Variants in RPTOR observed in about 807,000 individuals in gnomAD.
RPTOR encodes regulatory-associated protein of mTOR.
RPTOR carries 21 observed loss-of-function variants against 169.9 expected under a neutral mutation model. That is an observed-to-expected ratio of 0.12 (90% confidence interval 0.09 to 0.18). RPTOR has a LOEUF of 0.18. RPTOR is among the 10% of genes least tolerant of loss of function. The probability of loss-of-function intolerance (pLI) is 1.00; values close to 1 mark genes in which losing one functional copy is unlikely to be tolerated. For missense variants in RPTOR, 1,133 were observed against 1,855.9 expected, an observed-to-expected ratio of 0.61 and a Z score of 7.16; for synonymous variants, 732 against 753.2, an observed-to-expected ratio of 0.97 and a Z score of 0.46.
At chr17:80,638,733 T>C (rs2065528908) in intron 2 of RPTOR, among the ~76,000 whole-genome samples, 1 of 152,222 alleles carries the variant, frequency 6.6e-6, no homozygotes, top group Admixed American at 6.5e-5. Context: ...CTCTCCTGTA[T>C]CTACTTTCCA....
chr17:80,830,554 A>G (rs1469121927), intron 9 of RPTOR, among the ~76,000 whole-genome samples: 1 of 152,110 alleles, frequency 6.6e-6, no homozygotes, highest in Admixed American at 6.5e-5. Flanking sequence ...GCTGCGCCCC[A>G]CGGTGCCCCC....
At chr17:80,891,269 C>T (rs147739371) in intron 17 of RPTOR, among the ~76,000 whole-genome samples, 22 of 152,386 alleles carry the variant, frequency 1.4e-4, no homozygotes, top group African/African-American at 3.4e-4. Flanking sequence ...GAGCAGGCTT[C>T]GGCTTGTCCG....
chr17:80,637,642 C>G (rs1172966777), intron 2 of RPTOR, among the ~76,000 whole-genome samples: 1 of 152,182 alleles, frequency 6.6e-6, no homozygotes. Flanking sequence ...CAGCAGAGTG[C>G]GGATGAGCTG....
At chr17:80,600,728 C>T (rs1180173168) in intron 1 of RPTOR, among the ~76,000 whole-genome samples, 4 of 152,162 alleles carry the variant, frequency 2.6e-5, no homozygotes, top group East Asian at 1.9e-4. Flanking sequence ...TAGCAGTAAT[C>T]GGACAGGCCT....
intron 7 of RPTOR, among the ~76,000 whole-genome samples, chr17:80,816,748 T>G (rs1260360272): frequency 1.3e-5 from 2 of 152,132 alleles, no homozygotes; most frequent in African/African-American, 4.8e-5. Context: ...AAACCAGCTT[T>G]CGCATGGCAG....
At chr17:80,846,202 T>C (rs2143712551) in intron 10 of RPTOR, among the ~76,000 whole-genome samples, 1 of 152,200 alleles carries the variant, frequency 6.6e-6, no homozygotes, top group East Asian at 1.9e-4. Flanking sequence ...ACGCTCCTCT[T>C]GCGGCCCCAG....
chr17:80,631,236 AGG>A (rs1397844895), intron 2 of RPTOR, among the ~76,000 whole-genome samples: 4 of 151,922 alleles, frequency 2.6e-5, no homozygotes, highest in African/African-American at 9.7e-5. Context: ...TTGTGGACTG[AGG>A]GTCTCCTGCT....
At chr17:80,696,067 T>A (rs62067879) in intron 3 of RPTOR, among the ~76,000 whole-genome samples, 35,012 of 152,158 alleles carry the variant, frequency 0.23, 4,115 homozygotes, top group East Asian at 0.33. Flanking sequence ...TGTGAGTCCC[T>A]GTAGGGCAGG....
intron 3 of RPTOR, among the ~76,000 whole-genome samples, chr17:80,681,052 G>A (rs1248311064): frequency 6.6e-6 from 1 of 152,100 alleles, no homozygotes; most frequent in African/African-American, 2.4e-5. Flanking sequence ...GGGCTTCAAG[G>A]CATGCATGGG....
chr17:80,775,375 T>C (rs2066883480), intron 6 of RPTOR, among the ~76,000 whole-genome samples: 1 of 152,184 alleles, frequency 6.6e-6, no homozygotes, highest in Non-Finnish European at 1.5e-5. Context: ...CTTTCCAAAG[T>C]ACTGAGACTG....
At chr17:80,682,410 GGTT>G (rs974793997) in intron 3 of RPTOR, among the ~76,000 whole-genome samples, 29 of 152,280 alleles carry the variant, frequency 1.9e-4, no homozygotes, top group African/African-American at 6.7e-4. Context: ...GCCAGGTTAA[GGTT>G]GTTGAGAGGG....
At chr17:80,953,536 T>C (rs2069209360) in intron 28 of RPTOR, among the ~76,000 whole-genome samples, 1 of 152,242 alleles carries the variant, frequency 6.6e-6, no homozygotes, top group Non-Finnish European at 1.5e-5. Flanking sequence ...GAGTGGGGCC[T>C]CAGGGCCTCC....
At chr17:80,611,217 T>G (rs9902735) in intron 1 of RPTOR, among the ~76,000 whole-genome samples, 9,356 of 152,190 alleles carry the variant, frequency 0.061, 967 homozygotes, top group African/African-American at 0.21. Context: ...TGTCACACTT[T>G]TGTTTGTTTT....
chr17:80,686,576 G>T (rs1340242731), intron 3 of RPTOR, among the ~76,000 whole-genome samples: 2 of 152,198 alleles, frequency 1.3e-5, no homozygotes, highest in South Asian at 2.1e-4. Flanking sequence ...GGACTCATTG[G>T]TATTCTCTCT....
At chr17:80,657,032 T>C (rs2065685141) in intron 3 of RPTOR, among the ~76,000 whole-genome samples, 1 of 152,254 alleles carries the variant, frequency 6.6e-6, no homozygotes, top group Non-Finnish European at 1.5e-5. Context: ...TTCTCAGCGT[T>C]TCGTCATTTG....
chr17:80,738,592 TC>T (rs1186932867), intron 5 of RPTOR, among the ~76,000 whole-genome samples: 5 of 152,132 alleles, frequency 3.3e-5, no homozygotes, highest in Non-Finnish European at 7.3e-5. Flanking sequence ...CACAAATGCT[TC>T]CCCCAGCCTG....
intron 20 of RPTOR, among the ~76,000 whole-genome samples, chr17:80,901,326 G>A (rs888484452): frequency 2.6e-5 from 4 of 152,036 alleles, no homozygotes; most frequent in Admixed American, 6.5e-5. Context: ...CTGTCTTCTC[G>A]AAGGAGCTGG....
chr17:80,693,739 G>A (rs548418636), intron 3 of RPTOR, among the ~76,000 whole-genome samples: 2 of 152,364 alleles, frequency 1.3e-5, no homozygotes, highest in African/African-American at 4.8e-5. Flanking sequence ...TCCACGCAGG[G>A]TGGGCGTCCA....
At chr17:80,898,675 C>A (rs1273466518) in intron 20 of RPTOR, among the ~76,000 whole-genome samples, 1 of 118,918 alleles carries the variant, frequency 8.4e-6, no homozygotes, top group South Asian at 4.0e-4. Context: ...CCGCTCCCCC[C>A]ACCCCCCGCC....
Sources: gnomAD v4.1 joint callset for allele counts (sites outside exome capture counted in the v4.1 genomes callset) on GRCh38, gnomAD v4.1.1 for gene constraint, MANE v1.5 for transcripts, NCBI Gene and HGNC (gene_info 2026-07-23, HGNC 2026-07-21) for gene names.